Variants in ZNG1F observed in about 807,000 individuals in gnomAD.
ZNG1F encodes the protein Zn regulated GTPase metalloprotein activator 1F.
At chr9:41,155,262 C>T in the ZNG1F span, among the ~76,000 whole-genome samples, 1 of 150,500 alleles carries the variant, frequency 6.6e-6, no homozygotes, top group African/African-American at 2.4e-5. Flanking sequence ...AAATGCTCAC[C>T]ATCTCTGGCC....
chr9:41,156,082 T>A, the ZNG1F span, among the ~76,000 whole-genome samples: 28 of 127,854 alleles, frequency 2.2e-4, 1 homozygote, highest in East Asian at 6.2e-3. Flanking sequence ...AAATTTTCTA[T>A]GTATTTCATG....
chr9:41,150,095 G>A, the ZNG1F span, among the ~76,000 whole-genome samples: 2 of 48,294 alleles, frequency 4.1e-5, 1 homozygote, highest in Non-Finnish European at 1.2e-4. Context: ...CGGACAGTGG[G>A]CGCAGGTCAG....
At chr9:41,185,709 CAT>C in the ZNG1F span, among the ~76,000 whole-genome samples, 1 of 149,598 alleles carries the variant, frequency 6.7e-6, no homozygotes, top group Non-Finnish European at 1.5e-5. Flanking sequence ...AACGTTTTTT[CAT>C]ATGTCTAGAT....
chr9:41,149,955 AGAG>A, the ZNG1F span, among the ~76,000 whole-genome samples: 1 of 144,078 alleles, frequency 6.9e-6, no homozygotes, highest in African/African-American at 2.6e-5. Context: ...TAAAGTGAAG[AGAG>A]GAGAGAGGAG....
the ZNG1F span, chr9:41,158,856 A>G: frequency 2.6e-5 from 3 of 117,502 alleles, no homozygotes; most frequent in Non-Finnish European, 3.8e-5. Context: ...TTTCCAAAGC[A>G]TTAAAATCGC....
the ZNG1F span, among the ~76,000 whole-genome samples, chr9:41,152,385 T>A: frequency 3.3e-5 from 5 of 149,396 alleles, no homozygotes; most frequent in African/African-American, 9.9e-5. Flanking sequence ...AGACTTAGAC[T>A]CCTACACAAT....
chr9:41,192,847 G>C, the ZNG1F span, among the ~76,000 whole-genome samples: 4 of 120,522 alleles, frequency 3.3e-5, no homozygotes, highest in African/African-American at 8.7e-5. Flanking sequence ...AAATAAGTAT[G>C]AAATTTCTTA....
chr9:41,160,542 T>C, the ZNG1F span, among the ~76,000 whole-genome samples: 5 of 138,664 alleles, frequency 3.6e-5, no homozygotes, highest in African/African-American at 8.1e-5. Flanking sequence ...CCTGCCTCAG[T>C]CTCCTGAGTA....
the ZNG1F span, chr9:41,158,855 C>A: frequency 2.1e-5 from 2 of 97,408 alleles, no homozygotes; most frequent in Admixed American, 1.2e-4. Context: ...TTTTCCAAAG[C>A]ATTAAAATCG....
chr9:41,187,031 G>A, the ZNG1F span, among the ~76,000 whole-genome samples: 2 of 145,424 alleles, frequency 1.4e-5, 1 homozygote, highest in African/African-American at 5.1e-5. Flanking sequence ...CCCTGAACAT[G>A]AGTGTTTCGC....
At chr9:41,193,069 G>A in the ZNG1F span, among the ~76,000 whole-genome samples, 3 of 140,670 alleles carry the variant, frequency 2.1e-5, no homozygotes, top group Admixed American at 7.6e-5. Flanking sequence ...TACTATTTGT[G>A]TGCCCATTTT....
the ZNG1F span, among the ~76,000 whole-genome samples, chr9:41,152,731 AC>A: frequency 7.8e-6 from 1 of 128,568 alleles, no homozygotes; most frequent in South Asian, 2.8e-4. Flanking sequence ...TGGAAACTGA[AC>A]AACCTGCTCC....
the ZNG1F span, among the ~76,000 whole-genome samples, chr9:41,185,796 A>C: frequency 9.9e-6 from 1 of 101,256 alleles, no homozygotes; most frequent in African/African-American, 3.7e-5. Context: ...AAGTTATACA[A>C]AATAAAATTT....
chr9:41,175,170 GAC>G, the ZNG1F span, among the ~76,000 whole-genome samples: 1 of 148,612 alleles, frequency 6.7e-6, no homozygotes, highest in South Asian at 2.1e-4. Flanking sequence ...CACCTGCTCT[GAC>G]AAGATGTGGT....
the ZNG1F span, among the ~76,000 whole-genome samples, chr9:41,139,696 G>A: frequency 6.6e-6 from 1 of 151,770 alleles, no homozygotes; most frequent in Non-Finnish European, 1.5e-5. Flanking sequence ...TGTCACAGCA[G>A]CCAAGACACT....
the ZNG1F span, among the ~76,000 whole-genome samples, chr9:41,154,762 C>T: frequency 6.7e-6 from 1 of 150,120 alleles, no homozygotes; most frequent in African/African-American, 2.5e-5. Flanking sequence ...GGAAAGATTC[C>T]CTATTTAATA....
At chr9:41,173,981 G>A in the ZNG1F span, among the ~76,000 whole-genome samples, 1 of 148,960 alleles carries the variant, frequency 6.7e-6, no homozygotes, top group South Asian at 2.1e-4. Flanking sequence ...CAGCACTTTG[G>A]GAGGCCAAGG....
chr9:41,151,914 C>T, the ZNG1F span, among the ~76,000 whole-genome samples: 27 of 143,808 alleles, frequency 1.9e-4, no homozygotes, highest in Admixed American at 7.2e-4. Context: ...AATGTAAAGA[C>T]CATCGAGACT....
chr9:41,187,021 C>A, the ZNG1F span, among the ~76,000 whole-genome samples: 2 of 144,016 alleles, frequency 1.4e-5, no homozygotes, highest in Non-Finnish European at 3.0e-5. Flanking sequence ...GAGACAGAGG[C>A]CCTGAACATG....
Sources: allele counts gnomAD v4.1 joint callset (sites outside exome capture counted in the v4.1 genomes callset), GRCh38; gene constraint gnomAD v4.1.1; transcripts MANE v1.5; gene names NCBI Gene and HGNC (gene_info 2026-07-23, HGNC 2026-07-21).